TTC39A: variants seen among roughly 807,000 people sequenced by gnomAD.
TTC39A encodes the protein tetratricopeptide repeat domain 39A.
Under a neutral mutation model 82.3 loss-of-function variants are expected in TTC39A, and 46 were observed. The ratio of observed to expected loss-of-function variants is 0.56; its 90% CI spans 0.44 to 0.71. The LOEUF (loss-of-function observed/expected upper bound fraction) is 0.71. TTC39A is among the 30% of genes least tolerant of loss of function. The probability of loss-of-function intolerance (pLI) is 0.00; values close to 1 mark genes in which losing one functional copy is unlikely to be tolerated. For missense variants in TTC39A, 543 were observed against 712.9 expected, an observed-to-expected ratio of 0.76 and a Z score of 2.71; for synonymous variants, 254 against 275.2, an observed-to-expected ratio of 0.92 and a Z score of 0.76.
intron 5 of TTC39A, among the ~76,000 whole-genome samples, chr1:51,310,105 A>G (rs1212021839): frequency 1.3e-5 from 2 of 152,094 alleles, no homozygotes; most frequent in East Asian, 3.9e-4. Context: ...ATCTCTACTA[A>G]AAATACAAAA....
At chr1:51,341,155 T>C (rs534494134) in intron 1 of TTC39A, among the ~76,000 whole-genome samples, 3 of 146,508 alleles carry the variant, frequency 2.0e-5, no homozygotes, top group Admixed American at 2.0e-4. Flanking sequence ...AGAGTGAAAC[T>C]CTGTCTCACA....
upstream of TTC39A, chr1:51,331,697 GA>G (rs900051345): frequency 2.7e-5 from 27 of 985,286 alleles, no homozygotes; most frequent in Non-Finnish European, 3.3e-5. Flanking sequence ...AGCAGGGGCA[GA>G]TGCTCACTTG....
At chr1:51,318,734 G>A (rs951407732) in intron 2 of TTC39A, among the ~76,000 whole-genome samples, 2 of 152,146 alleles carry the variant, frequency 1.3e-5, no homozygotes, top group Non-Finnish European at 2.9e-5. Flanking sequence ...AATTCAGGCC[G>A]CCAGGGCTCT....
chr1:51,290,244 G>T, intron 15 of TTC39A, 125 bp from the exon 16 acceptor site: 1 of 856,626 alleles, frequency 1.2e-6, no homozygotes, highest in Non-Finnish European at 1.8e-6. Context: ...CCTGTCCTCA[G>T]CAGGGGTCAC....
At chr1:51,327,277 T>C (rs1645747349) in intron 1 of TTC39A, among the ~76,000 whole-genome samples, 1 of 152,216 alleles carries the variant, frequency 6.6e-6, no homozygotes, top group African/African-American at 2.4e-5. Context: ...AGCTGGATTT[T>C]AATCCCTGCT....
intron 6 of TTC39A, among the ~76,000 whole-genome samples, chr1:51,306,449 A>G (rs933737542): frequency 1.3e-5 from 2 of 152,224 alleles, no homozygotes; most frequent in Non-Finnish European, 2.9e-5. Flanking sequence ...GATGTTTAGC[A>G]GCATCCATGG....
At chr1:51,343,860 T>C in intron 1 of TTC39A, among the ~76,000 whole-genome samples, 1 of 152,138 alleles carries the variant, frequency 6.6e-6, no homozygotes, top group East Asian at 1.9e-4. Flanking sequence ...GCTCAAGCGA[T>C]CCTCCCGCTG....
At chr1:51,330,952 C>T (rs916668075), upstream of TTC39A, 1 of 640,958 alleles carries the variant, frequency 1.6e-6, no homozygotes, top group Admixed American at 2.2e-5. This position sits in a 1 kb window ranked among gnomAD's most constrained non-coding sequence, Gnocchi z 4.5. Context: ...CAAAGACAGC[C>T]CCCAGAGTCA....
chr1:51,291,988 T>C (rs1055435875), intron 14 of TTC39A, among the ~76,000 whole-genome samples: 19 of 151,874 alleles, frequency 1.3e-4, no homozygotes, highest in African/African-American at 4.6e-4. Flanking sequence ...AGCCCTGGAG[T>C]TCAACACCAG....
At position 51,322,000 on chromosome 1, in the gene TTC39A, T is replaced by G; in HGVS notation, c.42-175A>C. Reference sequence around the variant, plus strand: ...GACGCAGGGACAATTTGGACCCACCTCTTGGTGTTCCCAAGGGTGGGAGGG... The same window carrying G: ...GACGCAGGGACAATTTGGACCCACCGCTTGGTGTTCCCAAGGGTGGGAGGG... On this transcript the variant is annotated intron_variant, in intron 1 of 17. Coordinates refer to ENST00000680483, the MANE Select transcript of TTC39A (RefSeq NM_001297663.2). This position sits in a 1 kb window ranked among gnomAD's most constrained non-coding sequence, Gnocchi z 4.6. 1.4e-6 allele frequency: 2 copies of G among 1,410,066 alleles called. No homozygotes were observed. Among genetic ancestry groups the G allele is most frequent in the Non-Finnish European group, 1.9e-6 (2 of 1,035,308 alleles). 87.3% of individuals were successfully genotyped at this position (1,410,066 alleles called of 1,614,324 possible). A position where few individuals can be genotyped will look rare whatever the true frequency, so the allele number is the denominator to read the frequency against.
intron 2 of TTC39A, among the ~76,000 whole-genome samples, chr1:51,314,979 G>A (rs956676005): frequency 4.6e-5 from 7 of 152,146 alleles, no homozygotes; most frequent in African/African-American, 1.7e-4. Flanking sequence ...TTCTCCTCGA[G>A]GAGGGGCTTC....
chr1:51,321,830 G>C lies in TTC39A; in HGVS notation c.42-5C>G. The C allele has an allele frequency of 6.2e-7, 1 of 1,612,066 alleles. No homozygotes were observed. The highest frequency in any genetic ancestry group is 8.5e-7 in the Non-Finnish European group (1 of 1,178,946). ...TGGAGGCTGCTCTCAGGAGTCCTGG[G>C]GGAAGAGATGCGGGGCATGACACAG... On this transcript the variant is annotated splice_region_variant and splice_polypyrimidine_tract_variant and intron_variant, in intron 1 of 17. Transcript: ENST00000680483. The surrounding 1 kb of genome is among the most constrained non-coding windows in gnomAD (Gnocchi z 4.6).
At position 51,287,864 on chromosome 1, in the gene TTC39A, G is replaced by A. The variant is rs1223996030; in HGVS notation, c.*293C>T. 3.2e-6 allele frequency: 1 copy of A among 311,588 alleles called. No individual in the cohort carries two copies. The highest frequency in any genetic ancestry group is 6.1e-6 in the Non-Finnish European group (1 of 165,196). 19.3% of individuals were successfully genotyped at this position (311,588 alleles called of 1,614,324 possible). A position where few individuals can be genotyped will look rare whatever the true frequency, so the allele number is the denominator to read the frequency against. ...GTGATCCCATCAATGTATTTCTAAG[G>A]AAAATGTAAACTGTTCATACATTCT... On this transcript the variant is annotated 3_prime_UTR_variant, in exon 18 of 18. Transcript: ENST00000680483.
At chr1:51,344,159 G>A (rs1392935293) in intron 1 of TTC39A, among the ~76,000 whole-genome samples, 1 of 152,182 alleles carries the variant, frequency 6.6e-6, no homozygotes, top group African/African-American at 2.4e-5. Context: ...CACTGACACG[G>A]GGACACCGGA....
intron 1 of TTC39A, among the ~76,000 whole-genome samples, chr1:51,344,611 T>G (rs1380094422): frequency 6.6e-6 from 1 of 152,184 alleles, no homozygotes; most frequent in Non-Finnish European, 1.5e-5. Context: ...CACACTTGGC[T>G]CATGCAGACC....
At chr1:51,343,625 C>G (rs1646062961) in intron 1 of TTC39A, among the ~76,000 whole-genome samples, 1 of 152,188 alleles carries the variant, frequency 6.6e-6, no homozygotes, top group Admixed American at 6.5e-5. Flanking sequence ...AACCTGGTTG[C>G]CAAGAGCAGG....
chr1:51,292,571 C>T (rs916938948), intron 14 of TTC39A, among the ~76,000 whole-genome samples: 1 of 152,158 alleles, frequency 6.6e-6, no homozygotes, highest in Non-Finnish European at 1.5e-5. Flanking sequence ...ACTGGGACTA[C>T]AGATGCAGGA....
chr1:51,295,346 G>A (rs954724474), intron 13 of TTC39A, among the ~76,000 whole-genome samples: 2 of 152,136 alleles, frequency 1.3e-5, no homozygotes, highest in African/African-American at 4.8e-5. Flanking sequence ...AGCCTAGGAG[G>A]CTCATATTAT....
intron 1 of TTC39A, among the ~76,000 whole-genome samples, chr1:51,337,396 G>C (rs150889226): frequency 1.3e-5 from 2 of 150,212 alleles, no homozygotes; most frequent in Non-Finnish European, 3.0e-5. Context: ...CACCTTCTCC[G>C]TGAGGCCTTC....
Sources: gnomAD v4.1 joint callset for allele counts (sites outside exome capture counted in the v4.1 genomes callset) on GRCh38, gnomAD v4.1.1 for gene constraint, Gnocchi (gnomAD v3.1) non-coding constraint, MANE v1.5 for transcripts, NCBI Gene and HGNC (gene_info 2026-07-23, HGNC 2026-07-21) for gene names.